KCNT2: variants seen among roughly 807,000 people sequenced by gnomAD.
KCNT2 encodes the protein potassium sodium-activated channel subfamily T member 2, also known as potassium channel subfamily T member 2.
Under a neutral mutation model 153.8 loss-of-function variants are expected in KCNT2, and 67 were observed. That is an observed-to-expected ratio of 0.44 (90% CI 0.36 to 0.53). The LOEUF is 0.53. Among genes scored for constraint, KCNT2 ranks in the 20% least tolerant of loss-of-function variants. KCNT2 has a pLI of 0.00. For missense variants in KCNT2, 975 were observed against 1,354.8 expected, an observed-to-expected ratio of 0.72 and a Z score of 4.40; for synonymous variants, 500 against 458.8, an observed-to-expected ratio of 1.09 and a Z score of -1.15.
At chr1:196,283,627 A>C (rs1000855882) in intron 23 of KCNT2, among the ~76,000 whole-genome samples, 2 of 152,154 alleles carry the variant, frequency 1.3e-5, no homozygotes, top group African/African-American at 4.8e-5. Context: ...AATAATTCCC[A>C]ATCATTCAAG....
chr1:196,374,032 A>G (rs1668745109), intron 13 of KCNT2, among the ~76,000 whole-genome samples: 1 of 151,940 alleles, frequency 6.6e-6, no homozygotes, highest in Admixed American at 6.6e-5. Flanking sequence ...GAGGGCTCAG[A>G]TGCCAGATAT....
rs144314252 is a variant in KCNT2 at position 196,398,249 on chromosome 1, A to T, written c.1294+314T>A. Among the ~76,000 whole-genome samples, 4 of 151,618 alleles carry T rather than the reference A, an allele frequency of 2.6e-5. No homozygotes were observed. The East Asian group carries it at 7.8e-4, about 29-fold the overall frequency. On this transcript the variant is annotated intron_variant, in intron 13 of 27. Transcript: ENST00000294725. ...CTATGTATAAATGAGTAGATATGGCACTTGAAATTTGTGTCTATATTATGC... is the reference window on the plus strand; with the variant it reads ...CTATGTATAAATGAGTAGATATGGCTCTTGAAATTTGTGTCTATATTATGC...
intron 1 of KCNT2, among the ~76,000 whole-genome samples, chr1:196,537,826 G>A (rs746861905): frequency 1.3e-5 from 2 of 152,146 alleles, no homozygotes; most frequent in African/African-American, 2.4e-5. Context: ...TCACTCGTTG[G>A]GGCATTCTTA....
Position 196,474,988 on chromosome 1 carries a change from T to C in KCNT2, c.384+4191A>G, listed in dbSNP as rs1481228090. 2.6e-5 allele frequency among the ~76,000 whole-genome samples: 4 copies of C among 152,228 alleles called. No homozygotes were observed. The East Asian group carries it at 7.7e-4, about 29-fold the overall frequency. On this transcript the variant is annotated intron_variant, in intron 5 of 27. Coordinates refer to ENST00000294725, the MANE Select transcript of KCNT2 (RefSeq NM_198503.5). ...ATTTCGCTTTAAGTTGGTCTGGTTT[T>C]CAAAACCTACAGTCTCAATGAAAGT...
rs189660719 is a variant in KCNT2, at chr1:196,437,185, G to C, written c.639-7428C>G. Among the ~76,000 whole-genome samples, 404 of 94,444 alleles carry C rather than the reference G, an allele frequency of 4.3e-3. 5 individuals carry two copies. The highest frequency in any genetic ancestry group is 0.016 in the African/African-American group (390 of 24,508). The allele number at this position is 94,444 out of a possible 152,430, so 62.0% of individuals were successfully genotyped here. ...GGATATATGATAATAAACAAAATGT[G>C]TGTTACAATTAGGTAACTACCAAAA... On this transcript the variant is annotated intron_variant, in intron 8 of 27. Coordinates refer to ENST00000294725, the MANE Select transcript of KCNT2 (RefSeq NM_198503.5).
chr1:196,301,261 C>T (rs1661160287), intron 22 of KCNT2, among the ~76,000 whole-genome samples: 1 of 152,130 alleles, frequency 6.6e-6, no homozygotes, highest in South Asian at 2.1e-4. Flanking sequence ...TTCATACCTC[C>T]CGTCTCCCTT....
At chr1:196,593,091 C>T (rs1663582198) in intron 1 of KCNT2, among the ~76,000 whole-genome samples, 2 of 150,422 alleles carry the variant, frequency 1.3e-5, no homozygotes, top group Admixed American at 6.6e-5. Context: ...CCCTTTCCTG[C>T]CGAGTCCCCA....
intron 22 of KCNT2, among the ~76,000 whole-genome samples, chr1:196,288,152 A>T (rs1571917484): frequency 6.6e-6 from 1 of 152,038 alleles, no homozygotes; most frequent in East Asian, 1.9e-4. Context: ...AAAAAATAAA[A>T]AAATAAAACG....
intron 1 of KCNT2, among the ~76,000 whole-genome samples, chr1:196,509,509 C>CA (rs1285688720): frequency 6.6e-6 from 1 of 151,822 alleles, no homozygotes; most frequent in African/African-American, 2.4e-5. Context: ...TTATAAAGTT[C>CA]AAAAAAACTT....
chr1:196,377,478 A>G (rs558620731), intron 13 of KCNT2, among the ~76,000 whole-genome samples: 3 of 152,032 alleles, frequency 2.0e-5, no homozygotes, highest in African/African-American at 7.2e-5. Context: ...AGTAACTGCT[A>G]TTTTTCCCTA....
At chr1:196,321,347 G>A (rs1384589009) in intron 19 of KCNT2, among the ~76,000 whole-genome samples, 9 of 151,882 alleles carry the variant, frequency 5.9e-5, no homozygotes, top group Admixed American at 5.9e-4. Flanking sequence ...CTTCGCCTGT[G>A]TCTTGAGGTC....
Position 196,496,540 on chromosome 1 carries a change from T to A in KCNT2, c.96-4199A>T, listed in dbSNP as rs79415031. On this transcript the variant is annotated intron_variant, in intron 1 of 27. Transcript: ENST00000294725. ...TAGGCTAATTGATGTAAACAAGAGTTAGGTTTCTACTGGCCACAAAAATGT... is the reference window on the plus strand; with the variant it reads ...TAGGCTAATTGATGTAAACAAGAGTAAGGTTTCTACTGGCCACAAAAATGT... Among the ~76,000 whole-genome samples the A allele has an allele frequency of 4.4e-3, 667 of 151,782 alleles. 8 individuals are homozygous for A. Among genetic ancestry groups the A allele is most frequent in the East Asian group, 0.029 (151 of 5,172 alleles).
intron 25 of KCNT2, among the ~76,000 whole-genome samples, chr1:196,267,016 T>G (rs1657605752): frequency 6.6e-6 from 1 of 152,158 alleles, no homozygotes; most frequent in Non-Finnish European, 1.5e-5. Context: ...ATCCCCACAG[T>G]TACAGGGAAA....
At chr1:196,314,298 G>T (rs1361715620) in intron 21 of KCNT2, among the ~76,000 whole-genome samples, 1 of 151,250 alleles carries the variant, frequency 6.6e-6, no homozygotes, top group Non-Finnish European at 1.5e-5. Context: ...GCCAAGCATG[G>T]AATCAAAAAG....
rs190778863 is a variant in KCNT2, at chr1:196,438,667, A to T, written c.639-8910T>A. ...GATTAAGCACTATTTCAGTGCCAGT[A>T]TGTCAACATCAGGCTAGTGACTTGT... On this transcript the variant is annotated intron_variant, in intron 8 of 27. Transcript: ENST00000294725. Among the ~76,000 whole-genome samples, 3 of 151,902 alleles carry T rather than the reference A, an allele frequency of 2.0e-5. No individual in the cohort carries two copies. In the East Asian group the frequency reaches 5.8e-4, roughly 30 times the overall value.
rs754512806 is a variant in KCNT2, at chr1:196,316,039, TCAA to T, written c.2349-16_2349-14del. On this transcript the variant is annotated splice_polypyrimidine_tract_variant and intron_variant, in intron 20 of 27. Transcript: ENST00000294725. ...TAAGTCATCTAGGCTTTGATAAAAA[TCAA>T]CAGAGAAAAACAAACATTAAATAAA... 1.2e-6 allele frequency: 2 copies of T among 1,607,326 alleles called. No homozygotes were observed. The highest frequency in any genetic ancestry group is 2.2e-5 in the South Asian group (2 of 90,656).
intron 8 of KCNT2, among the ~76,000 whole-genome samples, chr1:196,431,849 A>G (rs1314294233): frequency 6.6e-6 from 1 of 152,130 alleles, no homozygotes; most frequent in Non-Finnish European, 1.5e-5. Flanking sequence ...CAGAGAAAAC[A>G]CCAACAGTTT....
chr1:196,236,218 C>T (rs1049629329), intron 26 of KCNT2, 148 bp from the exon 27 acceptor site: 2 of 588,454 alleles, frequency 3.4e-6, no homozygotes, highest in Non-Finnish European at 6.1e-6. Context: ...ATAAGTTTGG[C>T]TATTTTCAAA....
intron 1 of KCNT2, among the ~76,000 whole-genome samples, chr1:196,606,359 T>C (rs1333446325): frequency 6.6e-6 from 1 of 152,202 alleles, no homozygotes; most frequent in African/African-American, 2.4e-5. Flanking sequence ...AACCAAAGAA[T>C]AGTTTTCCAT....
Sources: gnomAD v4.1 joint callset for allele counts (sites outside exome capture counted in the v4.1 genomes callset) on GRCh38, gnomAD v4.1.1 for gene constraint, MANE v1.5 for transcripts, NCBI Gene and HGNC (gene_info 2026-07-23, HGNC 2026-07-21) for gene names.